INPP4B: variants seen among roughly 807,000 people sequenced by gnomAD.
The protein encoded by INPP4B is inositol polyphosphate-4-phosphatase type II B.
A neutral mutation model predicts 122.5 loss-of-function variants in INPP4B; 55 were observed. That is an observed-to-expected ratio of 0.45 (90% CI 0.36 to 0.56). The LOEUF is 0.56. Among genes scored for constraint, INPP4B ranks in the 20% least tolerant of loss-of-function variants. The pLI, the probability that INPP4B is intolerant of heterozygous loss-of-function variation, is 0.00. For synonymous variants in INPP4B, 403 were observed against 388.7 expected (o/e 1.04, Z -0.43); for missense variants, 1,000 against 1,097.7 (o/e 0.91, Z 1.26).
At chr4:142,237,201 G>A (rs553719475) in intron 12 of INPP4B, among the ~76,000 whole-genome samples, 11 of 152,162 alleles carry the variant, frequency 7.2e-5, no homozygotes, top group Admixed American at 5.9e-4. Flanking sequence ...TGAAAGTCTC[G>A]CTACAAATGA....
At chr4:142,314,911 G>A (rs1283686921) in intron 7 of INPP4B, 149 bp from the exon 8 acceptor site, 16 of 652,952 alleles carry the variant, frequency 2.5e-5, no homozygotes, top group Admixed American at 9.8e-5. Context: ...CAACACCTGC[G>A]GCAGTGCAAT....
At chr4:142,672,215 A>G (rs1483602745) in intron 2 of INPP4B, among the ~76,000 whole-genome samples, 1 of 152,194 alleles carries the variant, frequency 6.6e-6, no homozygotes, top group East Asian at 1.9e-4. Flanking sequence ...GTGTTTCTGT[A>G]CTTATGTGTG....
intron 12 of INPP4B, among the ~76,000 whole-genome samples, chr4:142,226,735 A>G (rs1167432899): frequency 1.3e-5 from 2 of 152,230 alleles, no homozygotes; most frequent in Non-Finnish European, 2.9e-5. Context: ...AGTGTGTAAT[A>G]TGAGTATGGG....
chr4:142,529,714 GAAC>G (rs1469453484), intron 2 of INPP4B, among the ~76,000 whole-genome samples: 3 of 151,922 alleles, frequency 2.0e-5, no homozygotes, highest in Non-Finnish European at 4.4e-5. Flanking sequence ...AAATATTTGA[GAAC>G]TACTGGTTTA....
intron 7 of INPP4B, among the ~76,000 whole-genome samples, chr4:142,400,188 G>C (rs766081803): frequency 9.9e-5 from 15 of 152,188 alleles, no homozygotes; most frequent in Admixed American, 2.0e-4. Flanking sequence ...TATTTCACCG[G>C]TTATCTCCAA....
chr4:142,597,213 A>T (rs887693096), intron 2 of INPP4B, among the ~76,000 whole-genome samples: 1 of 152,190 alleles, frequency 6.6e-6, no homozygotes, highest in Non-Finnish European at 1.5e-5. Context: ...GTTTATTATT[A>T]TTCTGTCTTA....
chr4:142,458,183 C>G (rs370414241), intron 3 of INPP4B, among the ~76,000 whole-genome samples: 39 of 152,160 alleles, frequency 2.6e-4, no homozygotes, highest in African/African-American at 9.2e-4. Flanking sequence ...AGGTGGCCAG[C>G]TCAAAAGGCT....
intron 2 of INPP4B, chr4:142,566,166 G>C (rs138841473): frequency 1.3e-5 from 2 of 152,182 alleles, no homozygotes; most frequent in South Asian, 4.1e-4. Flanking sequence ...ACTGTGCCTC[G>C]AGGAGATTAA....
chr4:142,231,902 T>A (rs1022493546), intron 12 of INPP4B, among the ~76,000 whole-genome samples: 1 of 152,154 alleles, frequency 6.6e-6, no homozygotes. Flanking sequence ...CCTGACTTCA[T>A]AGAAGTCAAG....
Position 142,182,085 on chromosome 4 carries a change from G to A in INPP4B, c.1182-8276C>T, listed in dbSNP as rs147033288. On this transcript the variant is annotated intron_variant, in intron 15 of 25. Coordinates refer to ENST00000262992, the MANE Select transcript of INPP4B (RefSeq NM_001101669.3). ...TTGAACATCTTTTGACTGCTTGAGG[G>A]TAAATGAGTATGGAAGAAGAACTTG... Among the ~76,000 whole-genome samples, 426 of 152,234 alleles carry A rather than the reference G, an allele frequency of 2.8e-3. 3 individuals are homozygous for A. Among genetic ancestry groups the A allele is most frequent in the Non-Finnish European group, 4.2e-3 (289 of 68,002 alleles).
rs116721172 is a variant in INPP4B at position 142,353,396 on chromosome 4, A to G, written c.373-38634T>C. On this transcript the variant is annotated intron_variant, in intron 7 of 25. Coordinates refer to ENST00000262992, the MANE Select transcript of INPP4B (RefSeq NM_001101669.3). ...AAAAATTCCATTCCCCTAAGAGAGA[A>G]TGATCCAACTGGTCAGATTCCAGGA... Among the ~76,000 whole-genome samples, 1,367 of 152,110 alleles carry G rather than the reference A, an allele frequency of 9.0e-3. 25 individuals carry two copies. The highest frequency in any genetic ancestry group is 0.03 in the African/African-American group (1,254 of 41,524).
At chr4:142,304,111 G>A (rs1397057860) in intron 9 of INPP4B, among the ~76,000 whole-genome samples, 1 of 152,064 alleles carries the variant, frequency 6.6e-6, no homozygotes, top group African/African-American at 2.4e-5. Context: ...CATGTGGACT[G>A]CTAGTAGTCC....
intron 2 of INPP4B, among the ~76,000 whole-genome samples, chr4:142,486,662 G>A (rs376515308): frequency 6.6e-6 from 1 of 152,142 alleles, no homozygotes; most frequent in South Asian, 2.1e-4. Context: ...TGCTTTTTAA[G>A]TCATATGTTA....
intron 17 of INPP4B, among the ~76,000 whole-genome samples, chr4:142,154,323 C>T (rs1376656634): frequency 6.6e-6 from 1 of 152,128 alleles, no homozygotes; most frequent in Non-Finnish European, 1.5e-5. Context: ...GTAATCTGCA[C>T]ATTAATAATT....
chr4:142,422,508 T>C (rs889186849), intron 5 of INPP4B, among the ~76,000 whole-genome samples: 1 of 151,946 alleles, frequency 6.6e-6, no homozygotes, highest in Non-Finnish European at 1.5e-5. Flanking sequence ...TGTGTTACAC[T>C]ATAAGAAGCA....
At chr4:142,411,656 C>T (rs892843070) in intron 5 of INPP4B, among the ~76,000 whole-genome samples, 2 of 152,148 alleles carry the variant, frequency 1.3e-5, no homozygotes, top group African/African-American at 4.8e-5. Context: ...CTTTGGGAGG[C>T]CCAGGCAGGC....
chr4:142,415,132 G>A (rs1805411970), intron 5 of INPP4B, among the ~76,000 whole-genome samples: 1 of 152,106 alleles, frequency 6.6e-6, no homozygotes, highest in South Asian at 2.1e-4. Context: ...CACTGATATG[G>A]GAGCCAATAG....
intron 7 of INPP4B, among the ~76,000 whole-genome samples, chr4:142,350,606 G>A (rs963902077): frequency 2.6e-5 from 4 of 151,922 alleles, no homozygotes; most frequent in South Asian, 2.1e-4. Context: ...AAAAGGCCTC[G>A]TGTGGTGTAA....
intron 9 of INPP4B, among the ~76,000 whole-genome samples, chr4:142,295,481 A>G (rs1758296460): frequency 6.6e-6 from 1 of 152,210 alleles, no homozygotes; most frequent in Non-Finnish European, 1.5e-5. Context: ...ATACACATAG[A>G]CAACCACTCA....
Sources: allele counts gnomAD v4.1 joint callset (sites outside exome capture counted in the v4.1 genomes callset), GRCh38; gene constraint gnomAD v4.1.1; transcripts MANE v1.5; gene names NCBI Gene and HGNC (gene_info 2026-07-23, HGNC 2026-07-21).